The following PPP2R2B variants were observed in gnomAD, a reference collection of about 807,000 sequenced individuals.
PPP2R2B encodes the protein serine/threonine-protein phosphatase 2A 55 kDa regulatory subunit B beta isoform.
PPP2R2B carries 5 observed loss-of-function variants against 46.0 expected under a neutral mutation model. The observed-to-expected ratio is 0.11, with a 90% confidence interval of 0.06 to 0.23. The LOEUF is 0.23. Ranked by LOEUF, PPP2R2B falls within the 10% of genes least tolerant of loss-of-function variation. The pLI, the probability that PPP2R2B is intolerant of heterozygous loss-of-function variation, is 1.00. For missense variants in PPP2R2B, 367 were observed against 575.0 expected (o/e 0.64, Z 3.70); for synonymous variants, 215 against 206.7 (o/e 1.04, Z -0.34).
chr5:147,031,472 G>A (rs1452074733), intron 1 of PPP2R2B, among the ~76,000 whole-genome samples: 1 of 79,840 alleles, frequency 1.3e-5, no homozygotes, highest in Non-Finnish European at 2.5e-5. Flanking sequence ...ATGTGTCTAG[G>A]CATTGCTTTT....
At chr5:146,931,000 T>C (rs1320984503) in intron 1 of PPP2R2B, among the ~76,000 whole-genome samples, 1 of 152,142 alleles carries the variant, frequency 6.6e-6, no homozygotes, top group Non-Finnish European at 1.5e-5. Flanking sequence ...TGAATGTAAA[T>C]TCTCACTGGT....
Position 147,044,445 on chromosome 5 carries a change from A to C in PPP2R2B, c.79+11220T>G, listed in dbSNP as rs1415891360. 3.3e-5 allele frequency among the ~76,000 whole-genome samples: 5 copies of C among 152,126 alleles called. No homozygotes were observed. In the East Asian group the frequency reaches 9.7e-4, roughly 29 times the overall value. The stretch of plus-strand genomic sequence containing the variant: ...TATAATTCTTTCTAATGGGATGGGA[A>C]TAGGTGTGCTACAAGACTGGGGCAG... On this transcript the variant is annotated intron_variant, in intron 1 of 8. Transcript: ENST00000336640.
chr5:146,587,782 T>C lies in PPP2R2B; in HGVS notation c.*2165A>G, dbSNP rs1770241219. On this transcript the variant is annotated 3_prime_UTR_variant, in exon 10 of 10. Coordinates refer to ENST00000394411, the MANE Select transcript of PPP2R2B (RefSeq NM_181675.4). ...AAACCTAGCATATCAGAGTTGAAAT[T>C]TCATGCATATTATTTCTTTGGAGGA... 2.0e-5 allele frequency: 3 copies of C among 152,212 alleles called. No individual in the cohort carries two copies. Among genetic ancestry groups the C allele is most frequent in the African/African-American group, 7.2e-5 (3 of 41,448 alleles). The allele number at this position is 152,212 out of a possible 1,614,324, so 9.4% of individuals were successfully genotyped here.
rs192790539 is a variant in PPP2R2B, at chr5:146,948,272, C to T, written c.79+107393G>A. Among the ~76,000 whole-genome samples, 63 of 152,154 alleles carry T rather than the reference C, an allele frequency of 4.1e-4. 1 individual carries two copies. The highest frequency in any genetic ancestry group is 1.5e-3 in the African/African-American group (62 of 41,544). ...TGCCTGGGTTTAAACACTGGCTCTG[C>T]TGCTTCCTAGGTGTTTGGCTTAAAT... On this transcript the variant is annotated intron_variant, in intron 1 of 8. Transcript: ENST00000336640.
In PPP2R2B at chr5:146,609,936, G is replaced by T. The variant is rs1338656456; in HGVS notation, c.791-9476C>A. Among the ~76,000 whole-genome samples the T allele has an allele frequency of 1.4e-5, 2 of 145,364 alleles. 1 individual carries two copies. Among genetic ancestry groups the T allele is most frequent in the Non-Finnish European group, 3.0e-5 (2 of 67,756 alleles). ...GGGGGAGGGGCGCCCGCCATTGATT[G>T]CCCAGGCTTGCTTAGGTAAACAAAG... On this transcript the variant is annotated intron_variant, in intron 7 of 9. Coordinates refer to ENST00000394411, the MANE Select transcript of PPP2R2B (RefSeq NM_181675.4).
At chr5:146,641,949 C>T (rs77553016) in intron 6 of PPP2R2B, among the ~76,000 whole-genome samples, 6,445 of 152,242 alleles carry the variant, frequency 0.042, 190 homozygotes, top group Non-Finnish European at 0.064. Flanking sequence ...GAATTCATGG[C>T]TAATATACAA....
chr5:146,891,117 A>G (rs1762479782), intron 1 of PPP2R2B, among the ~76,000 whole-genome samples: 2 of 152,242 alleles, frequency 1.3e-5, no homozygotes, highest in South Asian at 4.1e-4. Flanking sequence ...GTAATGATAT[A>G]AGGCCAGATG....
At chr5:146,666,081 A>G (rs1177422348) in intron 5 of PPP2R2B, among the ~76,000 whole-genome samples, 1 of 152,232 alleles carries the variant, frequency 6.6e-6, no homozygotes, top group Non-Finnish European at 1.5e-5. Context: ...ATTTAGAAAC[A>G]ATGTGAATAT....
intron 2 of PPP2R2B, among the ~76,000 whole-genome samples, chr5:146,784,341 T>G (rs937250663): frequency 6.6e-6 from 1 of 152,212 alleles, no homozygotes. Flanking sequence ...AAAAAATAAA[T>G]GTAGCCATTA....
At chr5:146,725,345 C>T (rs1434545966) in intron 2 of PPP2R2B, among the ~76,000 whole-genome samples, 1 of 152,016 alleles carries the variant, frequency 6.6e-6, no homozygotes, top group Non-Finnish European at 1.5e-5. Flanking sequence ...AGTAAAAACA[C>T]AGCATGAAGA....
Position 146,708,066 on chromosome 5 carries a change from T to C in PPP2R2B, c.71-6924A>G, listed in dbSNP as rs142628394. Among the ~76,000 whole-genome samples the C allele has an allele frequency of 5.1e-4, 77 of 152,304 alleles. 1 individual carries two copies. The East Asian group carries it at 0.014, about 27-fold the overall frequency. ...TAAAACTTTTTAAAAATTTAAAATT[T>C]ATATATAGGCTGGGCACGGTGGCTC... On this transcript the variant is annotated intron_variant, in intron 2 of 9. Transcript: ENST00000394411.
intron 1 of PPP2R2B, among the ~76,000 whole-genome samples, chr5:147,032,398 C>T (rs1419679936): frequency 6.6e-6 from 1 of 152,048 alleles, no homozygotes; most frequent in African/African-American, 2.4e-5. Flanking sequence ...GTGTCTATCT[C>T]GTTTGGTTAC....
intron 1 of PPP2R2B, among the ~76,000 whole-genome samples, chr5:147,039,275 A>C (rs1045581272): frequency 2.0e-5 from 3 of 152,118 alleles, no homozygotes; most frequent in Non-Finnish European, 4.4e-5. Flanking sequence ...ACTATGTTAA[A>C]AGTTACTGAT....
chr5:146,784,945 T>C lies in PPP2R2B; in HGVS notation c.71-83803A>G, dbSNP rs566589436. 4.6e-5 allele frequency among the ~76,000 whole-genome samples: 7 copies of C among 152,280 alleles called. No homozygotes were observed. In the East Asian group the frequency reaches 7.7e-4, roughly 17 times the overall value. ...ATAGATGGAGTATCAACTTTTGGAATATATGATTGCGAAGAAAAAAGCAAA... is the reference window on the plus strand; with the variant it reads ...ATAGATGGAGTATCAACTTTTGGAACATATGATTGCGAAGAAAAAAGCAAA... On this transcript the variant is annotated intron_variant, in intron 2 of 9. Transcript: ENST00000394411.
chr5:146,942,151 T>C (rs1048008892), intron 1 of PPP2R2B, among the ~76,000 whole-genome samples: 3 of 152,208 alleles, frequency 2.0e-5, no homozygotes, highest in African/African-American at 7.2e-5. Context: ...AAGACTCTTT[T>C]CAAATAAGAT....
intron 8 of PPP2R2B, among the ~76,000 whole-genome samples, chr5:146,597,478 C>T (rs997060313): frequency 6.6e-6 from 1 of 152,166 alleles, no homozygotes; most frequent in Non-Finnish European, 1.5e-5. Context: ...ATCAATCACT[C>T]CTTTAGCATA....
At chr5:146,940,161 C>A (rs1764275261) in intron 1 of PPP2R2B, among the ~76,000 whole-genome samples, 1 of 152,168 alleles carries the variant, frequency 6.6e-6, no homozygotes, top group South Asian at 2.1e-4. Flanking sequence ...TTTCTTGCAT[C>A]ATTTTCTTCT....
intron 2 of PPP2R2B, among the ~76,000 whole-genome samples, chr5:146,773,371 A>G (rs1754987811): frequency 6.6e-6 from 1 of 152,186 alleles, no homozygotes; most frequent in Admixed American, 6.5e-5. Flanking sequence ...TCTTTTCAAA[A>G]GGCTTGCACA....
chr5:146,910,744 G>A (rs1763149011), intron 1 of PPP2R2B, among the ~76,000 whole-genome samples: 1 of 152,064 alleles, frequency 6.6e-6, no homozygotes, highest in Non-Finnish European at 1.5e-5. Context: ...TAGTCTTTCA[G>A]AAGTTTCTTA....
Sources: allele counts gnomAD v4.1 joint callset (sites outside exome capture counted in the v4.1 genomes callset), GRCh38; gene constraint gnomAD v4.1.1; transcripts MANE v1.5; gene names NCBI Gene and HGNC (gene_info 2026-07-23, HGNC 2026-07-21).